Variants in GLI2 observed in about 807,000 individuals in gnomAD.
The protein encoded by GLI2 is GLI family zinc finger 2.
A neutral mutation model predicts 78.9 loss-of-function variants in GLI2; 22 were observed. The ratio of observed to expected loss-of-function variants is 0.28; its 90% CI spans 0.20 to 0.40. The LOEUF is 0.40. Among genes scored for constraint, GLI2 ranks in the 10% least tolerant of loss-of-function variants. The probability of loss-of-function intolerance (pLI) is 1.00; values close to 1 mark genes in which losing one functional copy is unlikely to be tolerated. For synonymous variants in GLI2, 974 were observed against 963.7 expected (o/e 1.01, Z -0.20); for missense variants, 2,097 against 2,213.2 (o/e 0.95, Z 1.05).
intron 1 of GLI2, among the ~76,000 whole-genome samples, chr2:120,742,337 C>A (rs767716926): frequency 6.6e-6 from 1 of 152,176 alleles, no homozygotes; most frequent in African/African-American, 2.4e-5. Flanking sequence ...TCCAAGATAG[C>A]CCCTTCAGCA....
At position 120,792,857 on chromosome 2, in the gene GLI2, A is replaced by T. The variant is rs186658289; in HGVS notation, c.-30-4434A>T. Among the ~76,000 whole-genome samples, 20 of 152,252 alleles carry T rather than the reference A, an allele frequency of 1.3e-4. No homozygotes were observed. The East Asian group carries it at 3.1e-3, about 24-fold the overall frequency. On this transcript the variant is annotated intron_variant, in intron 1 of 13. Coordinates refer to ENST00000361492, the MANE Select transcript of GLI2 (RefSeq NM_001374353.1). ...AAGACGGTCTTCATCTCCTGACCTC[A>T]TGATCCGCCTGCCTCGGCCTCCCAA...
At position 120,984,805 on chromosome 2, in the gene GLI2, C is replaced by T. The variant is rs560330396; in HGVS notation, c.1905+62C>T. The T allele has an allele frequency of 1.5e-5, 23 of 1,566,776 alleles. No homozygotes were observed. The East Asian group carries it at 4.7e-4, about 32-fold the overall frequency. ...CTCCATAGCCGTGCCCAGGGCCACC[C>T]CTTGCCACGGTTGCGGGCTCTGCCC... On this transcript the variant is annotated intron_variant, in intron 12 of 13. Coordinates refer to ENST00000361492, the MANE Select transcript of GLI2 (RefSeq NM_001374353.1).
chr2:120,980,845 A>AT (rs1682685604), intron 10 of GLI2, among the ~76,000 whole-genome samples: 1 of 152,226 alleles, frequency 6.6e-6, no homozygotes, highest in African/African-American at 2.4e-5. Context: ...GTTTTATAAT[A>AT]TAGCTCTTCC....
intron 2 of GLI2, among the ~76,000 whole-genome samples, chr2:120,834,771 C>T (rs1255672504): frequency 6.6e-6 from 1 of 152,108 alleles, no homozygotes; most frequent in Non-Finnish European, 1.5e-5. Context: ...TGATGGCTAC[C>T]GTGTCATCCA....
At chr2:120,844,078 A>G (rs1035766022) in intron 2 of GLI2, among the ~76,000 whole-genome samples, 1 of 152,124 alleles carries the variant, frequency 6.6e-6, no homozygotes, top group African/African-American at 2.4e-5. Context: ...GATGTCACCA[A>G]AGAACCCTGA....
chr2:120,956,497 T>C (rs1294740146), intron 5 of GLI2, among the ~76,000 whole-genome samples: 2 of 152,182 alleles, frequency 1.3e-5, no homozygotes, highest in East Asian at 1.9e-4. Context: ...CAAGGAATAG[T>C]GGAGGGAGTG....
intron 1 of GLI2, among the ~76,000 whole-genome samples, chr2:120,777,353 C>T (rs1248807083): frequency 2.6e-5 from 4 of 151,410 alleles, no homozygotes; most frequent in Non-Finnish European, 5.9e-5. Flanking sequence ...ACGGAGTGGG[C>T]GTGTGTGGGG....
At chr2:120,859,923 G>C (rs1483684303) in intron 2 of GLI2, among the ~76,000 whole-genome samples, 1 of 152,206 alleles carries the variant, frequency 6.6e-6, no homozygotes, top group South Asian at 2.1e-4. Flanking sequence ...AAAGTGCTGC[G>C]ATGACAGGCG....
At chr2:120,984,083 T>C (rs1682850867) in intron 11 of GLI2, among the ~76,000 whole-genome samples, 1 of 152,082 alleles carries the variant, frequency 6.6e-6, no homozygotes, top group Non-Finnish European at 1.5e-5. Flanking sequence ...CCTGCCTTTC[T>C]TCATCAGAGA....
intron 1 of GLI2, among the ~76,000 whole-genome samples, chr2:120,760,082 C>G (rs1435161057): frequency 6.6e-6 from 1 of 152,234 alleles, no homozygotes; most frequent in Non-Finnish European, 1.5e-5. Context: ...AGTAGCATCC[C>G]CCGGCCTCCC....
intron 5 of GLI2, among the ~76,000 whole-genome samples, chr2:120,960,054 G>A (rs1430373836): frequency 6.6e-6 from 1 of 152,204 alleles, no homozygotes; most frequent in Non-Finnish European, 1.5e-5. Context: ...CTGTCGTTGT[G>A]TCTCATGCAC....
At chr2:120,955,181 T>TGGG in intron 4 of GLI2, 64 bp from the exon 5 acceptor site, 1 of 531,604 alleles carries the variant, frequency 1.9e-6, no homozygotes, top group Non-Finnish European at 3.3e-6. Flanking sequence ...TTTTTTTTTT[T>TGGG]GGCAGGAGAA....
chr2:120,805,153 G>A (rs1462361311), intron 2 of GLI2, among the ~76,000 whole-genome samples: 2 of 152,214 alleles, frequency 1.3e-5, no homozygotes, highest in Admixed American at 6.5e-5. Flanking sequence ...CACTCAGAAC[G>A]GCTGCCGTCC....
chr2:120,767,346 C>T (rs369405848), intron 1 of GLI2, among the ~76,000 whole-genome samples: 11 of 120,458 alleles, frequency 9.1e-5, no homozygotes, highest in East Asian at 2.8e-4. Context: ...TGCTGGTGGC[C>T]GGAGTCTGGC....
chr2:120,814,709 T>C (rs1318104161), intron 2 of GLI2, among the ~76,000 whole-genome samples: 1 of 152,136 alleles, frequency 6.6e-6, no homozygotes, highest in Non-Finnish European at 1.5e-5. Flanking sequence ...GGATCTAGGT[T>C]GCGTGCTCCT....
intron 2 of GLI2, among the ~76,000 whole-genome samples, chr2:120,805,271 C>T (rs1015337679): frequency 1.3e-5 from 2 of 152,176 alleles, no homozygotes; most frequent in South Asian, 2.1e-4. Flanking sequence ...CCCTGCCTGT[C>T]GCTCCCCTTG....
chr2:120,830,387 A>G (rs1445911996), intron 2 of GLI2, among the ~76,000 whole-genome samples: 1 of 152,138 alleles, frequency 6.6e-6, no homozygotes, highest in East Asian at 1.9e-4. Context: ...GGGTGAGTAG[A>G]GGAGGAGGTT....
At chr2:120,863,861 C>CT (rs1230128089) in intron 2 of GLI2, among the ~76,000 whole-genome samples, 2 of 152,126 alleles carry the variant, frequency 1.3e-5, no homozygotes, top group African/African-American at 4.8e-5. Flanking sequence ...AAGCCTTTTG[C>CT]TTGGAGGAGG....
intron 2 of GLI2, among the ~76,000 whole-genome samples, chr2:120,914,384 C>T (rs1678988091): frequency 6.6e-6 from 1 of 152,240 alleles, no homozygotes; most frequent in Admixed American, 6.5e-5. Flanking sequence ...TTGGATTCTG[C>T]AAGGTGCCAG....
Sources: allele counts gnomAD v4.1 joint callset (sites outside exome capture counted in the v4.1 genomes callset), GRCh38; gene constraint gnomAD v4.1.1; transcripts MANE v1.5; gene names NCBI Gene and HGNC (gene_info 2026-07-23, HGNC 2026-07-21).